The following SCIN variants were observed in gnomAD, a reference collection of about 807,000 sequenced individuals.
SCIN encodes adseverin.
SCIN carries 91 observed loss-of-function variants against 91.8 expected under a neutral mutation model. That is an observed-to-expected ratio of 0.99 (90% CI 0.84 to 1.18). The LOEUF (loss-of-function observed/expected upper bound fraction) is 1.18, where lower values mean the gene tolerates loss of function less well. Among genes scored for constraint, SCIN ranks in the 50% most tolerant of loss-of-function variants. SCIN has a pLI of 0.00. For synonymous variants in SCIN, 367 were observed against 312.6 expected (o/e 1.17, Z -1.84); for missense variants, 1,087 against 863.9 (o/e 1.26, Z -3.24).
Position 12,657,572 on chromosome 7 carries a change from ATTTTTTTTTTTTTTTTT to A in SCIN, c.*4867_*4883del, listed in dbSNP as rs71030521. 4.5e-3 allele frequency: 99 copies of A among 22,100 alleles called. 4 individuals are homozygous for A. Among genetic ancestry groups the A allele is most frequent in the African/African-American group, 7.4e-3 (92 of 12,398 alleles). The allele number at this position is 22,100 out of a possible 1,614,324, so 1.4% of individuals were successfully genotyped here. On this transcript the variant is annotated 3_prime_UTR_variant, in exon 16 of 16. Coordinates refer to ENST00000297029, the MANE Select transcript of SCIN (RefSeq NM_001112706.3). ...TATATATATATATATATATATATAT[ATTTTTTTTTTTTTTTTT>A]TTTTTTTTTGCATTGGCAAAAAAAC... is the stretch of plus-strand genomic sequence containing the variant.
chr7:12,622,064 T>C (rs1312527412), intron 4 of SCIN, among the ~76,000 whole-genome samples: 1 of 152,006 alleles, frequency 6.6e-6, no homozygotes, highest in Non-Finnish European at 1.5e-5. Context: ...TGACATTCTA[T>C]GCTGTTTGTG....
chr7:12,589,636 G>A (rs571802573), intron 3 of SCIN: 17 of 152,316 alleles, frequency 1.1e-4, no homozygotes, highest in African/African-American at 3.4e-4. Context: ...TCGGCAGTGA[G>A]GAGATCTAAA....
chr7:12,627,091 TACACACAC>T (rs10654667), intron 8 of SCIN, among the ~76,000 whole-genome samples: 5 of 149,244 alleles, frequency 3.4e-5, no homozygotes, highest in East Asian at 4.0e-4. Flanking sequence ...AATGTGTGTA[TACACACAC>T]ACACACACAC....
rs913397662 is a variant in SCIN, at chr7:12,654,328, A to G, written c.*1613A>G. Reference sequence around the variant, plus strand: ...AGATAATGTGGCCGTCCAGGCAGGCATGAGATTTCTCAGCCTTACTTCAAC... The same window carrying G: ...AGATAATGTGGCCGTCCAGGCAGGCGTGAGATTTCTCAGCCTTACTTCAAC... On this transcript the variant is annotated 3_prime_UTR_variant, in exon 16 of 16. Transcript: ENST00000297029. 2 of 152,200 alleles carry G rather than the reference A, an allele frequency of 1.3e-5. No individual in the cohort carries two copies. Among genetic ancestry groups the G allele is most frequent in the African/African-American group, 4.8e-5 (2 of 41,452 alleles). The allele number at this position is 152,200 out of a possible 1,614,324, so 9.4% of individuals were successfully genotyped here. A position where few individuals can be genotyped will look rare whatever the true frequency, so the allele number is the denominator to read the frequency against.
At chr7:12,577,006 T>C (rs186852998) in intron 1 of SCIN, among the ~76,000 whole-genome samples, 2 of 152,328 alleles carry the variant, frequency 1.3e-5, no homozygotes, top group East Asian at 3.9e-4. Flanking sequence ...CTGTCCGTAC[T>C]GTATCCTTTA....
chr7:12,607,269 T>G (rs776135943), intron 4 of SCIN, among the ~76,000 whole-genome samples: 26 of 152,310 alleles, frequency 1.7e-4, no homozygotes, highest in Admixed American at 3.3e-4. Context: ...TCCTTCTACC[T>G]TACCTCTTGG....
intron 3 of SCIN, chr7:12,589,191 A>T (rs1481360637): frequency 1.3e-5 from 2 of 151,594 alleles, no homozygotes; most frequent in Non-Finnish European, 2.9e-5. Flanking sequence ...CGGGAATCTG[A>T]AAGGCGCTGC....
chr7:12,592,884 A>C (rs1365304607), intron 3 of SCIN, among the ~76,000 whole-genome samples: 1 of 152,152 alleles, frequency 6.6e-6, no homozygotes, highest in Non-Finnish European at 1.5e-5. Flanking sequence ...ACCTGCTACT[A>C]GTAGAGTTAC....
chr7:12,615,940 C>T (rs1783289802), intron 4 of SCIN, among the ~76,000 whole-genome samples: 1 of 151,984 alleles, frequency 6.6e-6, no homozygotes, highest in African/African-American at 2.4e-5. Context: ...TGTACCTTTT[C>T]CTCAAAGGAT....
chr7:12,644,384 C>T, intron 12 of SCIN, 69 bp downstream of exon 12: 2 of 1,496,928 alleles, frequency 1.3e-6, no homozygotes, highest in Non-Finnish European at 9.0e-7. Flanking sequence ...ATCTTTTTTT[C>T]ACCAAAAAGT....
At chr7:12,602,255 G>T (rs552059617) in intron 3 of SCIN, among the ~76,000 whole-genome samples, 1 of 152,258 alleles carries the variant, frequency 6.6e-6, no homozygotes, top group East Asian at 1.9e-4. Context: ...AAAAGGGGAG[G>T]GGGTGCAAGA....
At position 12,629,219 on chromosome 7, in the gene SCIN, C is replaced by G; in HGVS notation, c.1316C>G (p.Thr439Arg). 1 of 1,608,524 alleles carries G rather than the reference C, an allele frequency of 6.2e-7. No individual in the cohort carries two copies. Among genetic ancestry groups the G allele is most frequent in the South Asian group, 1.1e-5 (1 of 89,426 alleles). The change falls in exon 9 of 16, where the codon ACG (threonine) becomes AGG (arginine). Residue 439 changes from threonine to arginine, a missense_variant. Thr to Arg is a moderately conservative substitution (Grantham distance 71, BLOSUM62 -1). Coordinates refer to ENST00000297029, the MANE Select transcript of SCIN (RefSeq NM_001112706.3). ...YTYPRGQIIY[T>R]WQGANATRDE... ...TATCCCAGAGGACAGATTATCTACA[C>G]GTGGTGAGTTTATACGGGTAAAGAT...
Position 12,636,024 on chromosome 7 carries a change from G to T in SCIN, c.1320-21G>T, listed in dbSNP as rs75173905. The T allele has an allele frequency of 6.9e-5, 109 of 1,590,838 alleles. No homozygotes were observed. The East Asian group carries it at 2.2e-3, about 32-fold the overall frequency. On this transcript the variant is annotated intron_variant, in intron 9 of 15. Transcript: ENST00000297029. The stretch of plus-strand genomic sequence containing the variant: ...TTAAAACTTAAAGGCAAGCTAATTC[G>T]TTTCACTTTCATTCCTCTAGGCAAG...
At chr7:12,596,267 CA>C (rs1782839019) in intron 3 of SCIN, 1 of 423,344 alleles carries the variant, frequency 2.4e-6, no homozygotes, top group Non-Finnish European at 4.7e-6. Flanking sequence ...TTCCTTTTTC[CA>C]GTGGCGTGTC....
chr7:12,652,905 C>A lies in SCIN; in HGVS notation c.*190C>A, dbSNP rs929499248. 106 of 586,600 alleles carry A rather than the reference C, an allele frequency of 1.8e-4. No homozygotes were observed. The highest frequency in any genetic ancestry group is 2.2e-4 in the Admixed American group (6 of 27,830). The allele number at this position is 586,600 out of a possible 1,614,324, so 36.3% of individuals were successfully genotyped here. ...GATCACTGGGGTCAGGATTTCGAGA[C>A]CAGCCTGGCCAACATGGCGAAACCT... On this transcript the variant is annotated 3_prime_UTR_variant, in exon 16 of 16. Coordinates refer to ENST00000297029, the MANE Select transcript of SCIN (RefSeq NM_001112706.3).
rs1390418162 is a variant in SCIN, at chr7:12,657,276, T to C, written c.*4561T>C. ...CTCTGTTGCCCAGGCTGGAGTACAG[T>C]AGCGATCTCTGCTCACTGCAATCTC... On this transcript the variant is annotated 3_prime_UTR_variant, in exon 16 of 16. Transcript: ENST00000297029. 2.2e-5 allele frequency: 3 copies of C among 138,644 alleles called. No individual in the cohort carries two copies. The highest frequency in any genetic ancestry group is 8.0e-5 in the Admixed American group (1 of 12,520). The allele number at this position is 138,644 out of a possible 1,614,324, so 8.6% of individuals were successfully genotyped here.
At chr7:12,641,490 C>G (rs1337366832) in intron 11 of SCIN, among the ~76,000 whole-genome samples, 1 of 152,124 alleles carries the variant, frequency 6.6e-6, no homozygotes, top group African/African-American at 2.4e-5. Flanking sequence ...ACCTCTTGTG[C>G]TTTCATAGAC....
chr7:12,644,343 A>G, intron 12 of SCIN, 28 bp downstream of exon 12: 1 of 1,557,144 alleles, frequency 6.4e-7, no homozygotes, highest in Non-Finnish European at 8.7e-7. Context: ...AAGGGCACTA[A>G]CTAGAATTTA....
Position 12,644,620 on chromosome 7 carries a change from A to G in SCIN, c.1796A>G (p.Tyr599Cys). 1 of 1,607,644 alleles carries G rather than the reference A, an allele frequency of 6.2e-7. No homozygotes were observed. Among genetic ancestry groups the G allele is most frequent in the Non-Finnish European group, 8.5e-7 (1 of 1,177,018 alleles). The stretch of plus-strand genomic sequence containing the variant: ...AATTCCCTTGGAGGGAAAAAAGACT[A>G]CCAGACCTCACCACTACTGGAAACC... The part of the protein sequence containing the change: ...FWNSLGGKKD[Y>C]QTSPLLETQA... The change falls in exon 13 of 16, where the codon TAC becomes TGC. Residue 599 changes from tyrosine (Y) to cysteine (C), a missense_variant. Tyr to Cys is a radical substitution (Grantham distance 194, BLOSUM62 -2). Coordinates refer to ENST00000297029, the MANE Select transcript of SCIN (RefSeq NM_001112706.3).
Sources: allele counts gnomAD v4.1 joint callset (sites outside exome capture counted in the v4.1 genomes callset), GRCh38; gene constraint gnomAD v4.1.1; transcripts MANE v1.5; gene names NCBI Gene and HGNC (gene_info 2026-07-23, HGNC 2026-07-21).